Variants in PRKACB observed in about 807,000 individuals in gnomAD.
PRKACB encodes the protein cAMP-dependent protein kinase catalytic subunit beta.
A neutral mutation model predicts 51.4 loss-of-function variants in PRKACB; 16 were observed. The ratio of observed to expected loss-of-function variants is 0.31; its 90% CI spans 0.21 to 0.47. PRKACB has a LOEUF of 0.47. PRKACB is among the 20% of genes least tolerant of loss of function. The pLI is 1.00. For synonymous variants in PRKACB, 147 were observed against 154.4 expected, an observed-to-expected ratio of 0.95 and a Z score of 0.35; for missense variants, 309 against 464.5, an observed-to-expected ratio of 0.67 and a Z score of 3.08.
At chr1:84,178,294 T>G (rs1049889179) in intron 1 of PRKACB, among the ~76,000 whole-genome samples, 2 of 152,008 alleles carry the variant, frequency 1.3e-5, no homozygotes, top group Non-Finnish European at 2.9e-5. Context: ...TGAACAACAA[T>G]ACATTTTGTT....
intron 1 of PRKACB, among the ~76,000 whole-genome samples, chr1:84,107,482 A>G (rs1649848382): frequency 6.6e-6 from 1 of 152,154 alleles, no homozygotes; most frequent in South Asian, 2.1e-4. Context: ...AAAAGTTGAC[A>G]GATGGGACCT....
At chr1:84,089,015 AAAT>A (rs1648244785) in intron 1 of PRKACB, among the ~76,000 whole-genome samples, 2 of 152,196 alleles carry the variant, frequency 1.3e-5, no homozygotes. Context: ...TCCATTTTGG[AAAT>A]ATTTACATCT....
intron 1 of PRKACB, among the ~76,000 whole-genome samples, chr1:84,136,213 C>G (rs1441259188): frequency 2.6e-5 from 4 of 151,800 alleles, no homozygotes; most frequent in African/African-American, 9.7e-5. Context: ...GCTTCTATAG[C>G]TTTTAAAAAT....
intron 1 of PRKACB, among the ~76,000 whole-genome samples, chr1:84,114,527 A>G (rs1219420653): frequency 6.6e-6 from 1 of 152,080 alleles, no homozygotes. Context: ...TGTAATTTAT[A>G]GTGATGAAGT....
rs1161783020 is a variant in PRKACB at position 84,214,213 on chromosome 1, G to A, written c.967G>A (p.Val323Met). 1.2e-6 allele frequency: 2 copies of A among 1,613,320 alleles called. No homozygotes were observed. The highest frequency in any genetic ancestry group is 2.2e-5 in the East Asian group (1 of 44,834). Residue 323 changes from valine (V) to methionine (M), a missense_variant, in exon 9 of 10, where the codon GTG (valine) becomes ATG (methionine). Val to Met is a conservative substitution (Grantham distance 21). This residue lies in a region of PRKACB where 96 missense variants were observed against 129.9 expected (regional missense o/e 0.74). Transcript: ENST00000370685. ...GGACCTTCTACGGAACCTGCTGCAG[G>A]TGGATTTGACCAAGAGATTTGGAAA... ...LKDLLRNLLQ[V>M]DLTKRFGNLK...
At chr1:84,086,739 C>T (rs1481312891) in intron 1 of PRKACB, among the ~76,000 whole-genome samples, 1 of 152,208 alleles carries the variant, frequency 6.6e-6, no homozygotes, top group Non-Finnish European at 1.5e-5. Flanking sequence ...GACCCTGGGT[C>T]CCACACTCAA....
At chr1:84,117,628 T>C (rs1167525745) in intron 1 of PRKACB, among the ~76,000 whole-genome samples, 3 of 152,182 alleles carry the variant, frequency 2.0e-5, no homozygotes, top group African/African-American at 7.2e-5. Context: ...TTTTGTATTT[T>C]TGTGATATCA....
intron 1 of PRKACB, among the ~76,000 whole-genome samples, chr1:84,169,698 T>C (rs771269814): frequency 6.6e-5 from 10 of 151,814 alleles, no homozygotes; most frequent in South Asian, 2.1e-4. Context: ...AGAAAAGCAG[T>C]AATCAAAAAT....
intron 1 of PRKACB, among the ~76,000 whole-genome samples, chr1:84,122,609 T>C (rs1213691160): frequency 6.6e-6 from 1 of 152,204 alleles, no homozygotes; most frequent in Admixed American, 6.6e-5. Context: ...CTTGCCATTA[T>C]ATAGTAATTA....
At chr1:84,114,064 C>A (rs1051207703) in intron 1 of PRKACB, among the ~76,000 whole-genome samples, 6 of 151,920 alleles carry the variant, frequency 3.9e-5, no homozygotes, top group Non-Finnish European at 5.9e-5. Context: ...GATGGTAGAC[C>A]AACACTTGTA....
At chr1:84,222,580 A>T (rs1331669908) in intron 9 of PRKACB, among the ~76,000 whole-genome samples, 1 of 151,718 alleles carries the variant, frequency 6.6e-6, no homozygotes, top group East Asian at 1.9e-4. Context: ...TTTCTCATTT[A>T]TGTGTCTGCC....
intron 9 of PRKACB, among the ~76,000 whole-genome samples, chr1:84,217,404 C>G (rs533156750): frequency 1.8e-4 from 27 of 152,248 alleles, no homozygotes; most frequent in African/African-American, 6.5e-4. Flanking sequence ...TCTACCTCCT[C>G]CAACCCTGCA....
At chr1:84,126,091 A>C (rs1190332068) in intron 1 of PRKACB, among the ~76,000 whole-genome samples, 2 of 6,622 alleles carry the variant, frequency 3.0e-4, no homozygotes, top group Admixed American at 1.3e-3. Context: ...GGTGGGGGGG[A>C]GGGGAGGGGA....
intron 1 of PRKACB, among the ~76,000 whole-genome samples, chr1:84,085,198 A>G (rs1022412404): frequency 6.6e-6 from 1 of 152,238 alleles, no homozygotes; most frequent in Non-Finnish European, 1.5e-5. Context: ...GTAGTTATAC[A>G]GGATAGTGGA....
chr1:84,086,331 G>T, intron 1 of PRKACB: 1 of 759,700 alleles, frequency 1.3e-6, no homozygotes. Context: ...TGGGGCCCAG[G>T]CTCCAGCCAT....
intron 1 of PRKACB, among the ~76,000 whole-genome samples, chr1:84,149,144 A>T (rs1654512053): frequency 1.3e-5 from 2 of 152,184 alleles, no homozygotes. Context: ...AAATTTTGAA[A>T]CTACAGGAAA....
At chr1:84,099,365 AG>A (rs1442910743) in intron 1 of PRKACB, among the ~76,000 whole-genome samples, 2 of 123,518 alleles carry the variant, frequency 1.6e-5, no homozygotes, top group Non-Finnish European at 3.9e-5. Context: ...AAGACATAGT[AG>A]TATGTTAGTT....
intron 1 of PRKACB, among the ~76,000 whole-genome samples, chr1:84,149,783 T>C (rs1402033464): frequency 6.6e-6 from 1 of 152,166 alleles, no homozygotes; most frequent in South Asian, 2.1e-4. Flanking sequence ...ATTATTTTTA[T>C]ATTTTATAGG....
chr1:84,098,165 A>T (rs1043706307), intron 1 of PRKACB, among the ~76,000 whole-genome samples: 1 of 152,098 alleles, frequency 6.6e-6, no homozygotes, highest in Non-Finnish European at 1.5e-5. Flanking sequence ...TATTACCTTA[A>T]ATTAAATCTT....
Sources: gnomAD v4.1 joint callset for allele counts (sites outside exome capture counted in the v4.1 genomes callset) on GRCh38, gnomAD v4.1.1 for gene constraint, gnomAD v4.1.1 regional missense constraint, MANE v1.5 for transcripts, NCBI Gene and HGNC (gene_info 2026-07-23, HGNC 2026-07-21) for gene names.